The following DOCK9 variants were observed in gnomAD, a reference collection of about 807,000 sequenced individuals.
DOCK9 encodes dedicator of cytokinesis 9.
DOCK9 carries 89 observed loss-of-function variants against 263.3 expected under a neutral mutation model. The observed-to-expected ratio is 0.34, with a 90% CI of 0.28 to 0.40. DOCK9 has a LOEUF of 0.40. Among genes scored for constraint, DOCK9 ranks in the 10% least tolerant of loss-of-function variants. The pLI, the probability that DOCK9 is intolerant of heterozygous loss-of-function variation, is 1.00. For synonymous variants in DOCK9, 976 were observed against 973.1 expected (o/e 1.00, Z -0.06); for missense variants, 2,140 against 2,603.4 (o/e 0.82, Z 3.87).
At chr13:98,902,216 G>T in intron 12 of DOCK9, 72 bp downstream of exon 12, 1 of 1,521,066 alleles carries the variant, frequency 6.6e-7, no homozygotes, top group Non-Finnish European at 8.9e-7. Flanking sequence ...TCTAATTTGA[G>T]CATTTTTGGT....
At chr13:98,821,273 G>C (rs117433319) in intron 45 of DOCK9, among the ~76,000 whole-genome samples, 5,103 of 152,224 alleles carry the variant, frequency 0.034, 124 homozygotes, top group Middle Eastern at 0.088. Context: ...CAGGAGGAGA[G>C]TGAGGTGGGC....
rs371426902 is a variant in DOCK9, at chr13:98,841,903, A to G, written c.4198+4021T>C. ...AGTGATCTGCCTGTCTCAGCCTCCC[A>G]AAGTGCTGAGATTACAGGCATGAGC... On this transcript the variant is annotated intron_variant, in intron 38 of 52. Transcript: ENST00000682017. Among the ~76,000 whole-genome samples, 37 of 152,126 alleles carry G rather than the reference A, an allele frequency of 2.4e-4. No homozygotes were observed. The East Asian group carries it at 3.9e-3, about 16-fold the overall frequency.
chr13:98,874,883 C>G (rs1422870091), intron 27 of DOCK9, among the ~76,000 whole-genome samples: 1 of 151,886 alleles, frequency 6.6e-6, no homozygotes, highest in Non-Finnish European at 1.5e-5. Flanking sequence ...CTTCACAGCT[C>G]CCCATAATCT....
At chr13:98,812,127 A>AT (rs56880707) in intron 45 of DOCK9, among the ~76,000 whole-genome samples, 6,994 of 77,416 alleles carry the variant, frequency 0.09, 397 homozygotes, top group African/African-American at 0.16. Flanking sequence ...AAACCACAGG[A>AT]TTTTTTTTTT....
chr13:98,925,814 T>G (rs2052850751), intron 4 of DOCK9, 23 bp downstream of exon 4: 1 of 1,490,452 alleles, frequency 6.7e-7, no homozygotes, highest in South Asian at 1.3e-5. Flanking sequence ...CTTTTCCCTA[T>G]GTGTATAATA....
At chr13:99,030,785 G>A (rs1887252212) in intron 1 of DOCK9, among the ~76,000 whole-genome samples, 1 of 152,190 alleles carries the variant, frequency 6.6e-6, no homozygotes, top group Non-Finnish European at 1.5e-5. Context: ...GAAAACGAAT[G>A]TGACTTTGAA....
chr13:98,942,235 GTTTTTTT>G (rs61340557), intron 2 of DOCK9, among the ~76,000 whole-genome samples: 1 of 99,388 alleles, frequency 1.0e-5, no homozygotes, highest in South Asian at 2.9e-4. Context: ...TTTTTTTGTT[GTTTTTTT>G]TTTTTGTTTT....
chr13:98,805,880 C>T (rs192849593), intron 48 of DOCK9, among the ~76,000 whole-genome samples: 2 of 152,300 alleles, frequency 1.3e-5, no homozygotes, highest in African/African-American at 4.8e-5. Flanking sequence ...CCTGCCTCAG[C>T]CTCCCAAGTA....
rs562912369 is a variant in DOCK9, at chr13:98,964,249, A to G, written c.127-8698T>C. Among the ~76,000 whole-genome samples, 223 of 152,334 alleles carry G rather than the reference A, an allele frequency of 1.5e-3. 8 individuals carry two copies. In the South Asian group the frequency reaches 0.046, roughly 31 times the overall value. ...AACCCAACCTTTGCCCAGCTAGATT[A>G]TAAGCTCCATGAGGGCAAGACAGCC... On this transcript the variant is annotated intron_variant, in intron 1 of 52. Coordinates refer to ENST00000682017, the MANE Select transcript of DOCK9 (RefSeq NM_001366683.2).
chr13:98,952,059 G>A (rs765531173), intron 2 of DOCK9, among the ~76,000 whole-genome samples: 5 of 151,980 alleles, frequency 3.3e-5, no homozygotes, highest in East Asian at 3.9e-4. Flanking sequence ...CACCATGCCT[G>A]GCTAATTTTT....
chr13:98,886,441 G>T (rs1363288195), intron 19 of DOCK9, 91 bp downstream of exon 19: 2 of 964,304 alleles, frequency 2.1e-6, no homozygotes, highest in Non-Finnish European at 1.6e-6. Flanking sequence ...GTAATATGCA[G>T]CTTCTCTTGA....
chr13:98,961,783 C>T (rs1400900387), intron 1 of DOCK9, among the ~76,000 whole-genome samples: 2 of 152,216 alleles, frequency 1.3e-5, no homozygotes, highest in Non-Finnish European at 2.9e-5. Context: ...TCCCATACAG[C>T]TCCATTGTTG....
intron 2 of DOCK9, chr13:98,950,131 A>ATGC (rs2140868675): frequency 3.5e-6 from 2 of 570,634 alleles, no homozygotes; most frequent in South Asian, 4.0e-5. Context: ...AAGTCTTGCA[A>ATGC]TGGTTCTCTG....
At chr13:98,993,646 C>G (rs761139114) in intron 1 of DOCK9, among the ~76,000 whole-genome samples, 7 of 152,186 alleles carry the variant, frequency 4.6e-5, no homozygotes, top group Admixed American at 1.3e-4. Context: ...GAGGCTGAGG[C>G]AGGAGAATGG....
chr13:98,803,740 T>C (rs1224624022), intron 49 of DOCK9, among the ~76,000 whole-genome samples: 1 of 152,196 alleles, frequency 6.6e-6, no homozygotes, highest in Non-Finnish European at 1.5e-5. Flanking sequence ...AAAAAAATAA[T>C]TAAATTATTT....
chr13:98,975,351 G>C (rs558214920), intron 1 of DOCK9, among the ~76,000 whole-genome samples: 20 of 149,572 alleles, frequency 1.3e-4, no homozygotes, highest in Non-Finnish European at 3.0e-4. Flanking sequence ...GACAGAGTAA[G>C]ACTTTGTCTC....
chr13:98,871,280 T>C (rs1369438624), intron 27 of DOCK9, among the ~76,000 whole-genome samples: 2 of 152,088 alleles, frequency 1.3e-5, no homozygotes, highest in Admixed American at 6.6e-5. Context: ...CATTGACAAG[T>C]GGGGAGGCTA....
rs763151659 is a variant in DOCK9, at chr13:98,884,945, T to C, written c.2382+26A>G. The stretch of plus-strand genomic sequence containing the variant: ...TTAATGTTTTCTGAAGAAATTGGGA[T>C]GACCCAATCTTAAAATGGGACATAC... On this transcript the variant is annotated intron_variant, in intron 21 of 52. Transcript: ENST00000682017. 38 of 1,603,492 alleles carry C rather than the reference T, an allele frequency of 2.4e-5. No homozygotes were observed. The South Asian group carries it at 4.1e-4, about 17-fold the overall frequency.
At chr13:98,808,752 ATATG>A in intron 47 of DOCK9, 1 of 900,406 alleles carries the variant, frequency 1.1e-6, no homozygotes, top group Non-Finnish European at 1.8e-6. Context: ...CGCCCTAAAT[ATATG>A]TATTATAATT....
Sources: gnomAD v4.1 joint callset for allele counts (sites outside exome capture counted in the v4.1 genomes callset) on GRCh38, gnomAD v4.1.1 for gene constraint, MANE v1.5 for transcripts, NCBI Gene and HGNC (gene_info 2026-07-23, HGNC 2026-07-21) for gene names.